FOXL2NB: variants seen among roughly 807,000 people sequenced by gnomAD.
FOXL2NB encodes the protein FOXL2 neighbor protein.
Under a neutral mutation model 7.4 loss-of-function variants are expected in FOXL2NB, and 10 were observed. That is an observed-to-expected ratio of 1.34 (90% CI 0.83 to 2.28). The LOEUF (loss-of-function observed/expected upper bound fraction) is 2.28, where lower values mean the gene tolerates loss of function less well. Among genes scored for constraint, FOXL2NB ranks in the 30% most tolerant of loss-of-function variants. The pLI, the probability that FOXL2NB is intolerant of heterozygous loss-of-function variation, is 0.00. For missense variants in FOXL2NB, 228 were observed against 233.9 expected (o/e 0.97, Z 0.17); for synonymous variants, 104 against 105.3 (o/e 0.99, Z 0.08).
At position 138,950,399 on chromosome 3, in the gene FOXL2NB, G is replaced by GCCGCCGGCTGCCTGAACCAGGTT; in HGVS notation, c.360_382dup (p.Leu128ProfsTer4). 1.2e-6 allele frequency: 2 copies of GCCGCCGGCTGCCTGAACCAGGTT among 1,613,214 alleles called. No homozygotes were observed. The highest frequency in any genetic ancestry group is 1.7e-6 in the Non-Finnish European group (2 of 1,179,968). On this transcript the variant is annotated frameshift_variant, in exon 3 of 3. Transcript: ENST00000383165. LOFTEE classifies it low-confidence loss of function (END_TRUNC). ...AGAACCACTCAGCTCGTCCCGCGCC[G>GCCGCCGGCTGCCTGAACCAGGTT]CCGCCGGCTGCCTGAACCAGGTTCC...
rs199657032 is a variant in FOXL2NB, at chr3:138,950,475, C to G, written c.431C>G (p.Pro144Arg). The change falls in exon 3 of 3, where the codon CCT becomes CGT. Residue 144 changes from proline (P) to arginine (R), a missense_variant. Physicochemically the swap from Pro to Arg is moderately radical, Grantham distance 103. Transcript: ENST00000383165. ...CGAAACACCCGGCGGCTTCCCGCTC[C>G]TGAGCGGGAGAGAATAGAGCTTGCT... ...GPRNTRRLPA[P>R]ERERIELAAT... 1.2e-5 allele frequency: 20 copies of G among 1,614,036 alleles called. No individual in the cohort carries two copies. The highest frequency in any genetic ancestry group is 1.3e-5 in the African/African-American group (1 of 74,954).
rs1936056867 is a variant in FOXL2NB, at chr3:138,949,034, A to AAG, written c.101-486_101-485insAG. ...AGTGCAGATGTTTTTCTTCTTCCTT[A>AAG]CCCCCATCCTTGCCCAAGCTTTGGG... On this transcript the variant is annotated intron_variant, in intron 1 of 2. Transcript: ENST00000383165. This position sits in a 1 kb window ranked among gnomAD's most constrained non-coding sequence, Gnocchi z 4.5. 6.6e-6 allele frequency among the ~76,000 whole-genome samples: 1 copy of AAG among 151,772 alleles called. No individual in the cohort carries two copies. Among genetic ancestry groups the AAG allele is most frequent in the Admixed American group, 6.6e-5 (1 of 15,246 alleles).
Position 138,950,457 on chromosome 3 carries a change from C to A in FOXL2NB, c.413C>A (p.Thr138Asn). Residue 138 changes from threonine (T) to asparagine (N), a missense_variant, in exon 3 of 3, where the codon ACC (threonine) becomes AAC (asparagine). Physicochemically the swap from Thr to Asn is moderately conservative, Grantham distance 65. Transcript: ENST00000383165. ...LSPFLAGPRNTRRLPAPERER... is the reference protein window; with the variant it reads ...LSPFLAGPRNNRRLPAPERER... ...CCTTTCCTAGCGGGACCCCGAAACA[C>A]CCGGCGGCTTCCCGCTCCTGAGCGG... The A allele has an allele frequency of 6.2e-7, 1 of 1,614,138 alleles. No individual in the cohort carries two copies. Among genetic ancestry groups the A allele is most frequent in the Non-Finnish European group, 8.5e-7 (1 of 1,180,036 alleles).
At position 138,947,397 on chromosome 3, in the gene FOXL2NB, C is replaced by G; in HGVS notation, c.33C>G (p.Thr11=). Residue 11 remains threonine, a synonymous_variant, in exon 1 of 3, where the codon ACC becomes ACG. Transcript: ENST00000383165. This position sits in a 1 kb window ranked among gnomAD's most constrained non-coding sequence, Gnocchi z 5.2. MTRTPVGSAR[T]RPKPRKLGPQ... The stretch of plus-strand genomic sequence containing the variant: ...GGACCCCGGTGGGGTCTGCCCGCAC[C>G]CGGCCAAAGCCCAGGAAGCTCGGGC... The G allele has an allele frequency of 2.6e-6, 4 of 1,548,694 alleles. No individual in the cohort carries two copies. Among genetic ancestry groups the G allele is most frequent in the South Asian group, 1.2e-5 (1 of 83,900 alleles).
rs1576473534 is a variant in FOXL2NB at position 138,951,495 on chromosome 3, G to C, written c.*923G>C. 1 of 152,190 alleles carries C rather than the reference G, an allele frequency of 6.6e-6. No homozygotes were observed. The highest frequency in any genetic ancestry group is 2.4e-5 in the African/African-American group (1 of 41,410). 9.4% of individuals were successfully genotyped at this position (152,190 alleles called of 1,614,324 possible). On this transcript the variant is annotated 3_prime_UTR_variant, in exon 3 of 3. Transcript: ENST00000383165. ...GGAGTATGTGCCCCATCGTCAATCA[G>C]GCAGAATGCAGGGCAGTTGTCGGCC...
intron 1 of FOXL2NB, among the ~76,000 whole-genome samples, chr3:138,948,819 G>A (rs1237639156): frequency 1.3e-5 from 2 of 152,184 alleles, no homozygotes; most frequent in African/African-American, 2.4e-5. Context: ...AGGGCTCTTT[G>A]GAATTCAGCA....
chr3:138,949,096 T>G lies in FOXL2NB; in HGVS notation c.101-424T>G, dbSNP rs1368215600. 6.6e-6 allele frequency among the ~76,000 whole-genome samples: 1 copy of G among 152,078 alleles called. No homozygotes were observed. The highest frequency in any genetic ancestry group is 1.5e-5 in the Non-Finnish European group (1 of 68,002). ...AGTCCGGTTTGGGGCTGCTGCAGATTGGCCTCAGTGCCTATCCTCCCCCAG... is the reference window on the plus strand; with the variant it reads ...AGTCCGGTTTGGGGCTGCTGCAGATGGGCCTCAGTGCCTATCCTCCCCCAG... On this transcript the variant is annotated intron_variant, in intron 1 of 2. Coordinates refer to ENST00000383165, the MANE Select transcript of FOXL2NB (RefSeq NM_001040061.3). The surrounding 1 kb of genome is among the most constrained non-coding windows in gnomAD (Gnocchi z 4.5).
rs757044011 is a variant in FOXL2NB, at chr3:138,953,920, T to C, written c.*3348T>C. On this transcript the variant is annotated 3_prime_UTR_variant, in exon 3 of 3. Transcript: ENST00000383165. ...TAATATTCTAGTATTTGCTTATCCA[T>C]CCATATGTTGAGGGACATTTGTTTC... Among the ~76,000 whole-genome samples, 22 of 152,266 alleles carry C rather than the reference T, an allele frequency of 1.4e-4. No homozygotes were observed. Among genetic ancestry groups the C allele is most frequent in the Non-Finnish European group, 2.6e-4 (18 of 68,056 alleles).
intron 1 of FOXL2NB, chr3:138,948,084 C>A: frequency 1.6e-5 from 10 of 640,500 alleles, no homozygotes; most frequent in Non-Finnish European, 1.4e-5. Context: ...GTAATATGTT[C>A]ATCAAGTATT....
rs745836383 is a variant in FOXL2NB at position 138,950,599 on chromosome 3, A to C, written c.*27A>C. The C allele has an allele frequency of 6.2e-6, 10 of 1,609,948 alleles. No homozygotes were observed. Among genetic ancestry groups the C allele is most frequent in the Non-Finnish European group, 7.6e-6 (9 of 1,178,920 alleles). On this transcript the variant is annotated 3_prime_UTR_variant, in exon 3 of 3. Coordinates refer to ENST00000383165, the MANE Select transcript of FOXL2NB (RefSeq NM_001040061.3). ...ACATCCCCATACACTCCACGCCTCA[A>C]CAACTGTCAGCACTCACTCCCTCCC...
Position 138,950,183 on chromosome 3 carries a change from C to G in FOXL2NB, c.221-82C>G, listed in dbSNP as rs112935973. ...CAGTCTCAGCTCCCGCGCCTCCTCG[C>G]AGCCTGGCCCCGCGCCTCGGAGGTC... On this transcript the variant is annotated intron_variant, in intron 2 of 2. Transcript: ENST00000383165. 30 of 1,476,072 alleles carry G rather than the reference C, an allele frequency of 2.0e-5. 1 individual carries two copies. In the African/African-American group the frequency reaches 2.1e-4, roughly 10 times the overall value. The allele number at this position is 1,476,072 out of a possible 1,614,324, so 91.4% of individuals were successfully genotyped here.
rs142403991 is a variant in FOXL2NB, at chr3:138,951,252, GGA to G, written c.*695_*696del. The G allele has an allele frequency of 1.3e-4, 19 of 151,228 alleles. No individual in the cohort carries two copies. The highest frequency in any genetic ancestry group is 2.1e-4 in the South Asian group (1 of 4,778). The allele number at this position is 151,228 out of a possible 1,614,324, so 9.4% of individuals were successfully genotyped here. ...TGTGCTTGGGAGAGAATAGGGGAGT[GGA>G]GAGAGAGAGAGAGATATTGAGGAAG... On this transcript the variant is annotated 3_prime_UTR_variant, in exon 3 of 3. Transcript: ENST00000383165.
At position 138,949,718 on chromosome 3, in the gene FOXL2NB, C is replaced by A. The variant is rs1262686649; in HGVS notation, c.220+79C>A. On this transcript the variant is annotated intron_variant, in intron 2 of 2. Coordinates refer to ENST00000383165, the MANE Select transcript of FOXL2NB (RefSeq NM_001040061.3). The surrounding 1 kb of genome is among the most constrained non-coding windows in gnomAD (Gnocchi z 4.5). ...CAGGCTTCTGCGGAAAAGCCAGGGG[C>A]TTCGGGCTGGAGATAGAGGAATCTA... is the stretch of plus-strand genomic sequence containing the variant. 2 of 1,590,152 alleles carry A rather than the reference C, an allele frequency of 1.3e-6. No homozygotes were observed. Among genetic ancestry groups the A allele is most frequent in the Admixed American group, 1.7e-5 (1 of 59,950 alleles).
rs1264559033 is a variant in FOXL2NB, at chr3:138,947,462, C to T, written c.98C>T (p.Ser33Leu). 6 of 1,541,182 alleles carry T rather than the reference C, an allele frequency of 3.9e-6. No homozygotes were observed. Among genetic ancestry groups the T allele is most frequent in the Non-Finnish European group, 5.3e-6 (6 of 1,140,502 alleles). ...GKALQASSRL[S>L]ESPALVKKRM... is the part of the protein sequence containing the mutation. ...GCGCTCCAAGCCTCCTCGCGGCTTT[C>T]AGGTGAAAGAAAACGACTCCTTTGC... is the stretch of plus-strand genomic sequence containing the variant. Residue 33 changes from serine to leucine, a missense_variant and splice_region_variant, in exon 1 of 3, where the codon TCA becomes TTA. Transcript: ENST00000383165. The surrounding 1 kb of genome is among the most constrained non-coding windows in gnomAD (Gnocchi z 5.2).
At position 138,952,100 on chromosome 3, in the gene FOXL2NB, T is replaced by C. The variant is rs1419521648; in HGVS notation, c.*1528T>C. 1.3e-5 allele frequency: 2 copies of C among 152,196 alleles called. No homozygotes were observed. Among genetic ancestry groups the C allele is most frequent in the Admixed American group, 6.5e-5 (1 of 15,280 alleles). 9.4% of individuals were successfully genotyped at this position (152,196 alleles called of 1,614,324 possible). ...AACCTTAGGCAAGGGCAAGGACACC[T>C]CCCTAGTTCCCAGTCATGGTGAGGA... is the stretch of plus-strand genomic sequence containing the variant. On this transcript the variant is annotated 3_prime_UTR_variant, in exon 3 of 3. Transcript: ENST00000383165.
Position 138,951,284 on chromosome 3 carries a change from AAG to A in FOXL2NB, c.*716_*717del, listed in dbSNP as rs1936126188. ...GAGAGAGAGATATTGAGGAAGAGGA[AAG>A]AGAAGCGACCTCCTACTCTGGGAAG... On this transcript the variant is annotated 3_prime_UTR_variant, in exon 3 of 3. Coordinates refer to ENST00000383165, the MANE Select transcript of FOXL2NB (RefSeq NM_001040061.3). 6.6e-6 allele frequency: 1 copy of A among 152,222 alleles called. No homozygotes were observed. The highest frequency in any genetic ancestry group is 1.5e-5 in the Non-Finnish European group (1 of 68,072). The allele number at this position is 152,222 out of a possible 1,614,324, so 9.4% of individuals were successfully genotyped here.
rs748265780 is a variant in FOXL2NB at position 138,949,557 on chromosome 3, G to A, written c.138G>A (p.Ala46=). 1.9e-6 allele frequency: 3 copies of A among 1,614,108 alleles called. No individual in the cohort carries two copies. Among genetic ancestry groups the A allele is most frequent in the Non-Finnish European group, 2.5e-6 (3 of 1,179,996 alleles). ...PALVKKRMPD[A]CTLGRAGIGL... ...TGGTGAAGAAGAGGATGCCTGATGCGTGCACCCTGGGAAGGGCTGGAATCG... is the reference window on the plus strand; with the variant it reads ...TGGTGAAGAAGAGGATGCCTGATGCATGCACCCTGGGAAGGGCTGGAATCG... Residue 46 remains alanine, a synonymous_variant, in exon 2 of 3, where the codon GCG becomes GCA. Transcript: ENST00000383165. The surrounding 1 kb of genome is among the most constrained non-coding windows in gnomAD (Gnocchi z 4.5).
intron 1 of FOXL2NB, among the ~76,000 whole-genome samples, chr3:138,948,248 G>C (rs774213322): frequency 6.6e-6 from 1 of 152,096 alleles, no homozygotes; most frequent in Non-Finnish European, 1.5e-5. Context: ...CAAACATCAG[G>C]CTGAGGGAGG....
chr3:138,947,646 C>T lies in FOXL2NB; in HGVS notation c.100+182C>T, dbSNP rs1171590152. The T allele has an allele frequency of 7.3e-6, 10 of 1,372,566 alleles. No homozygotes were observed. Among genetic ancestry groups the T allele is most frequent in the African/African-American group, 3.0e-5 (2 of 66,476 alleles). The allele number at this position is 1,372,566 out of a possible 1,614,324, so 85.0% of individuals were successfully genotyped here. ...TGTGACTGTACGAAGAAGCCTCGGC[C>T]TGGCCTGTCCCTCGCGCTCTCAGAG... On this transcript the variant is annotated intron_variant, in intron 1 of 2. Coordinates refer to ENST00000383165, the MANE Select transcript of FOXL2NB (RefSeq NM_001040061.3). The surrounding 1 kb of genome is among the most constrained non-coding windows in gnomAD (Gnocchi z 5.2).
Sources: allele counts gnomAD v4.1 joint callset (sites outside exome capture counted in the v4.1 genomes callset), GRCh38; gene constraint gnomAD v4.1.1; non-coding constraint Gnocchi (gnomAD v3.1); transcripts MANE v1.5; gene names NCBI Gene and HGNC (gene_info 2026-07-23, HGNC 2026-07-21).